CDH23: variants seen among roughly 807,000 people sequenced by gnomAD.
CDH23 encodes the protein cadherin related 23.
A neutral mutation model predicts 317.1 loss-of-function variants in CDH23; 189 were observed. That is an observed-to-expected ratio of 0.60 (90% confidence interval 0.53 to 0.67). CDH23 has a LOEUF of 0.67. Ranked by LOEUF, CDH23 falls within the 30% of genes least tolerant of loss-of-function variation. CDH23 has a pLI of 0.00. For missense variants in CDH23, 4,401 were observed against 4,592.4 expected, an observed-to-expected ratio of 0.96 and a Z score of 1.20; for synonymous variants, 1,839 against 1,876.8, an observed-to-expected ratio of 0.98 and a Z score of 0.52.
intron 1 of CDH23, among the ~76,000 whole-genome samples, chr10:71,402,480 A>G (rs4491141): frequency 0.18 from 27,969 of 152,074 alleles, 2,641 homozygotes; most frequent in South Asian, 0.25. Flanking sequence ...AATGGGAATA[A>G]TTTTTCAATT....
chr10:71,788,699 C>T lies in CDH23; in HGVS notation c.5821-241C>T, dbSNP rs147730916. Among the ~76,000 whole-genome samples, 6,570 of 152,258 alleles carry T rather than the reference C, an allele frequency of 0.043. 469 individuals carry two copies. Among genetic ancestry groups the T allele is most frequent in the African/African-American group, 0.15 (6,239 of 41,512 alleles). ...CTCGATCTCCTGACCTCGTGATCTG[C>T]CCGTCTTGGCCTCCCAAAGTGCTGG... On this transcript the variant is annotated intron_variant, in intron 44 of 69. Coordinates refer to ENST00000224721, the MANE Select transcript of CDH23 (RefSeq NM_022124.6).
At chr10:71,461,031 C>A (rs1004830020) in intron 3 of CDH23, among the ~76,000 whole-genome samples, 1 of 152,224 alleles carries the variant, frequency 6.6e-6, no homozygotes, top group African/African-American at 2.4e-5. Flanking sequence ...GGAAACAGTA[C>A]ACACAGAGGC....
At chr10:71,420,430 GATGA>G (rs1848711453) in intron 1 of CDH23, among the ~76,000 whole-genome samples, 4 of 146,824 alleles carry the variant, frequency 2.7e-5, no homozygotes, top group Non-Finnish European at 3.0e-5. Context: ...TGGTGATGAT[GATGA>G]TGATGGTCAT....
chr10:71,738,655 A>G lies in CDH23; in HGVS notation c.4359+8A>G. 6.2e-7 allele frequency: 1 copy of G among 1,611,678 alleles called. No homozygotes were observed. Among genetic ancestry groups the G allele is most frequent in the South Asian group, 1.1e-5 (1 of 91,056 alleles). On this transcript the variant is annotated splice_region_variant and intron_variant, in intron 35 of 69. Transcript: ENST00000224721. ...GCTGGCAGCAATGGGCAGGTGGGCC[A>G]CCGAGTGAAACAGCCAGGATCCACC...
chr10:71,468,341 G>A (rs1851352508), intron 3 of CDH23, among the ~76,000 whole-genome samples: 1 of 152,194 alleles, frequency 6.6e-6, no homozygotes, highest in Non-Finnish European at 1.5e-5. Context: ...GGTCTTTGAA[G>A]CATTGCTCTC....
rs2132694894 is a variant in CDH23, at chr10:71,687,690, T to C, written c.2030T>C (p.Phe677Ser). ...CCCACCTTCAGCAAGCCCGCCTACTTCGTCTCCGTGGTGGAGAACATCATG... is the reference window on the plus strand; with the variant it reads ...CCCACCTTCAGCAAGCCCGCCTACTCCGTCTCCGTGGTGGAGAACATCATG... Reference protein sequence around the residue: ...NPPTFSKPAYFVSVVENIMAG... With the variant: ...NPPTFSKPAYSVSVVENIMAG... Residue 677 changes from phenylalanine to serine, a missense_variant, in exon 19 of 70, where the codon TTC (phenylalanine) becomes TCC (serine). Phe to Ser is a radical substitution (Grantham distance 155, BLOSUM62 -2). Coordinates refer to ENST00000224721, the MANE Select transcript of CDH23 (RefSeq NM_022124.6). 2 of 1,613,820 alleles carry C rather than the reference T, an allele frequency of 1.2e-6. No individual in the cohort carries two copies. The highest frequency in any genetic ancestry group is 4.5e-5 in the East Asian group (2 of 44,868).
At chr10:71,579,965 G>A (rs924924499) in intron 9 of CDH23, among the ~76,000 whole-genome samples, 3 of 152,168 alleles carry the variant, frequency 2.0e-5, no homozygotes, top group Non-Finnish European at 2.9e-5. Context: ...CTCCGGGCTG[G>A]TTCCAGATAT....
chr10:71,776,648 T>A (rs1392831827), intron 38 of CDH23, among the ~76,000 whole-genome samples: 1 of 151,990 alleles, frequency 6.6e-6, no homozygotes, highest in Non-Finnish European at 1.5e-5. Context: ...CACTCACATG[T>A]CCAAAGGGAA....
intron 11 of CDH23, among the ~76,000 whole-genome samples, chr10:71,627,475 G>A (rs1861795172): frequency 1.3e-5 from 2 of 152,284 alleles, no homozygotes; most frequent in Admixed American, 1.3e-4. Context: ...CTGGGGACCA[G>A]AGGGTGGCCT....
intron 43 of CDH23, among the ~76,000 whole-genome samples, 152 bp downstream of exon 43, chr10:71,785,252 C>A (rs1279524491): frequency 6.6e-6 from 1 of 152,258 alleles, no homozygotes; most frequent in Non-Finnish European, 1.5e-5. Flanking sequence ...AGCATGGAAT[C>A]TTGGATTCAC....
At chr10:71,731,888 TG>T in intron 31 of CDH23, 98 bp from the exon 32 acceptor site, 1 of 1,335,688 alleles carries the variant, frequency 7.5e-7, no homozygotes, top group Non-Finnish European at 1.0e-6. Context: ...CCATGCTGGG[TG>T]GGCCACCCAG....
At chr10:71,706,190 G>A (rs145489303) in intron 25 of CDH23, among the ~76,000 whole-genome samples, 4 of 152,278 alleles carry the variant, frequency 2.6e-5, no homozygotes, top group African/African-American at 7.2e-5. Flanking sequence ...GGATCACTTC[G>A]CTATGAAGGT....
intron 8 of CDH23, 38 bp from the exon 9 acceptor site, chr10:71,577,876 G>A (rs1167250167): frequency 6.6e-7 from 1 of 1,523,862 alleles, no homozygotes; most frequent in South Asian, 1.2e-5. Context: ...ACAGCAGCCA[G>A]GGGACCCAAA....
At chr10:71,478,544 T>C (rs1851908715) in intron 3 of CDH23, among the ~76,000 whole-genome samples, 1 of 152,254 alleles carries the variant, frequency 6.6e-6, no homozygotes, top group South Asian at 2.1e-4. Flanking sequence ...AGCTTGTCAC[T>C]GAGGTTCATT....
At position 71,812,809 on chromosome 10, in the gene CDH23, T is replaced by C. The variant is rs1162713489; in HGVS notation, c.9552T>C (p.Asp3184=). ...GREPAAVKPD[D]DRYLRAAIQE... ...AGCCAGCAGCTGTCAAGCCTGATGA[T>C]GACCGATACCTGCGGGCTGCCATCC... The change falls in exon 68 of 70, where the codon GAT becomes GAC. Residue 3184 remains aspartate, a synonymous_variant. Transcript: ENST00000224721. 6.2e-7 allele frequency: 1 copy of C among 1,613,546 alleles called. No homozygotes were observed. Among genetic ancestry groups the C allele is most frequent in the Admixed American group, 1.7e-5 (1 of 59,940 alleles).
intron 1 of CDH23, among the ~76,000 whole-genome samples, chr10:71,404,009 T>C (rs1847980933): frequency 6.6e-6 from 1 of 152,156 alleles, no homozygotes; most frequent in Non-Finnish European, 1.5e-5. Flanking sequence ...GGAGAATCTC[T>C]TCAACCCGGG....
intron 38 of CDH23, among the ~76,000 whole-genome samples, chr10:71,777,447 A>G (rs951843171): frequency 1.3e-5 from 2 of 152,130 alleles, no homozygotes; most frequent in Non-Finnish European, 2.9e-5. Flanking sequence ...GGTCGCAGAC[A>G]TAGGAGTGGT....
chr10:71,528,655 C>G (rs755046071), intron 6 of CDH23, among the ~76,000 whole-genome samples: 3 of 152,224 alleles, frequency 2.0e-5, no homozygotes, highest in Non-Finnish European at 2.9e-5. Context: ...TCCGCAGCAG[C>G]CTGGGAATCC....
intron 3 of CDH23, among the ~76,000 whole-genome samples, chr10:71,480,993 A>G (rs1253225243): frequency 6.6e-6 from 1 of 152,134 alleles, no homozygotes; most frequent in East Asian, 1.9e-4. Context: ...GGCTTTGGGT[A>G]TCCAAGTGGA....
Sources: gnomAD v4.1 joint callset for allele counts (sites outside exome capture counted in the v4.1 genomes callset) on GRCh38, gnomAD v4.1.1 for gene constraint, MANE v1.5 for transcripts, NCBI Gene and HGNC (gene_info 2026-07-23, HGNC 2026-07-21) for gene names.